The following PSD3 variants were observed in gnomAD, a reference collection of about 807,000 sequenced individuals.
PSD3 encodes the protein PH and SEC7 domain-containing protein 3.
PSD3 carries 49 observed loss-of-function variants against 105.5 expected under a neutral mutation model. The ratio of observed to expected loss-of-function variants is 0.46; its 90% CI spans 0.37 to 0.59. The LOEUF is 0.59. Among genes scored for constraint, PSD3 ranks in the 20% least tolerant of loss-of-function variants. PSD3 has a pLI of 0.00. For synonymous variants in PSD3, 557 were observed against 457.8 expected, an observed-to-expected ratio of 1.22 and a Z score of -2.77; for missense variants, 1,561 against 1,263.8, an observed-to-expected ratio of 1.24 and a Z score of -3.57.
At chr8:18,859,946 T>G (rs1816312865) in intron 4 of PSD3, among the ~76,000 whole-genome samples, 1 of 152,238 alleles carries the variant, frequency 6.6e-6, no homozygotes, top group Non-Finnish European at 1.5e-5. Context: ...TTTCATTGCA[T>G]TCACAACTTG....
intron 8 of PSD3, among the ~76,000 whole-genome samples, chr8:18,768,341 A>G (rs1807207780): frequency 6.6e-6 from 1 of 152,128 alleles, no homozygotes; most frequent in Non-Finnish European, 1.5e-5. Flanking sequence ...ATGGTGGCTC[A>G]TGCCTATAAT....
At chr8:18,742,861 G>C (rs1049229699) in intron 9 of PSD3, among the ~76,000 whole-genome samples, 2 of 152,030 alleles carry the variant, frequency 1.3e-5, no homozygotes, top group South Asian at 4.2e-4. Context: ...CACAACCTAG[G>C]ATTATACACT....
intron 9 of PSD3, among the ~76,000 whole-genome samples, chr8:18,757,413 G>C (rs1030049011): frequency 6.6e-6 from 1 of 151,966 alleles, no homozygotes; most frequent in Non-Finnish European, 1.5e-5. Context: ...GCAGTGAGCA[G>C]AGATCATGCC....
chr8:19,055,090 T>C (rs1274894005), intron 1 of PSD3, among the ~76,000 whole-genome samples: 3 of 152,180 alleles, frequency 2.0e-5, no homozygotes, highest in African/African-American at 7.2e-5. Flanking sequence ...TCTCTTCTCT[T>C]TACTTGAGTT....
intron 10 of PSD3, among the ~76,000 whole-genome samples, chr8:18,634,423 T>C (rs1043377877): frequency 9.2e-5 from 14 of 152,274 alleles, no homozygotes; most frequent in African/African-American, 3.1e-4. Context: ...TAACATCTTA[T>C]ATATTAATAA....
intron 15 of PSD3, among the ~76,000 whole-genome samples, chr8:18,552,515 C>T (rs1027224027): frequency 6.6e-6 from 1 of 152,160 alleles, no homozygotes; most frequent in African/African-American, 2.4e-5. Context: ...TCCAGAACAG[C>T]TCAACCAACT....
intron 9 of PSD3, among the ~76,000 whole-genome samples, chr8:18,671,366 T>A (rs572330873): frequency 2.0e-5 from 3 of 152,182 alleles, no homozygotes; most frequent in African/African-American, 7.2e-5. Context: ...CAATTTTACA[T>A]GAGACACACT....
intron 14 of PSD3, among the ~76,000 whole-genome samples, chr8:18,571,328 C>A (rs938887420): frequency 1.3e-5 from 2 of 151,574 alleles, no homozygotes; most frequent in African/African-American, 2.4e-5. Flanking sequence ...GTGTGTGGTT[C>A]CTGCATCCAG....
chr8:18,672,822 A>T (rs1012890044), intron 9 of PSD3, among the ~76,000 whole-genome samples: 2 of 152,286 alleles, frequency 1.3e-5, no homozygotes, highest in Admixed American at 6.5e-5. Context: ...GAAGAGATGA[A>T]ACCTTTTGCT....
intron 1 of PSD3, among the ~76,000 whole-genome samples, chr8:19,048,401 A>C (rs1828400095): frequency 6.6e-6 from 1 of 152,230 alleles, no homozygotes; most frequent in Non-Finnish European, 1.5e-5. Context: ...GAAATGGTTT[A>C]CAGCCTTGAG....
intron 2 of PSD3, among the ~76,000 whole-genome samples, chr8:18,886,650 A>T (rs1262100837): frequency 2.0e-5 from 3 of 152,190 alleles, no homozygotes; most frequent in Admixed American, 2.0e-4. Flanking sequence ...GATCATAGAA[A>T]ATGCCCAGTT....
intron 1 of PSD3, among the ~76,000 whole-genome samples, chr8:18,943,355 C>T (rs913686717): frequency 1.3e-5 from 2 of 152,162 alleles, no homozygotes; most frequent in Non-Finnish European, 2.9e-5. Flanking sequence ...TAAATATACA[C>T]ATTTGCATTT....
intron 9 of PSD3, among the ~76,000 whole-genome samples, chr8:18,753,622 C>CA (rs1805784073): frequency 6.6e-6 from 1 of 152,116 alleles, no homozygotes; most frequent in Non-Finnish European, 1.5e-5. Flanking sequence ...AAAAATCCAA[C>CA]ATTGACAGGG....
At chr8:18,826,287 G>GTAA (rs2129449901) in intron 4 of PSD3, among the ~76,000 whole-genome samples, 1 of 152,244 alleles carries the variant, frequency 6.6e-6, no homozygotes. Flanking sequence ...CTTGGCCTCC[G>GTAA]TAATCACGTG....
chr8:18,811,270 C>T (rs1811656533), intron 4 of PSD3, among the ~76,000 whole-genome samples: 1 of 152,110 alleles, frequency 6.6e-6, no homozygotes, highest in South Asian at 2.1e-4. Context: ...AGTGAGACTC[C>T]AATGCTTTAC....
intron 1 of PSD3, among the ~76,000 whole-genome samples, chr8:18,982,718 C>T (rs11784199): frequency 0.4 from 60,456 of 152,062 alleles, 13,798 homozygotes; most frequent in Non-Finnish European, 0.52. Flanking sequence ...TTCTAAGCAG[C>T]AGGCCTCAAC....
chr8:18,910,290 T>C (rs891821169), intron 2 of PSD3, among the ~76,000 whole-genome samples: 1 of 143,084 alleles, frequency 7.0e-6, no homozygotes, highest in Non-Finnish European at 1.5e-5. Flanking sequence ...ATATACACCA[T>C]GGAATACTAT....
At chr8:18,771,765 C>G (rs905466652) in intron 8 of PSD3, among the ~76,000 whole-genome samples, 1 of 152,172 alleles carries the variant, frequency 6.6e-6, no homozygotes, top group African/African-American at 2.4e-5. Flanking sequence ...ACCATGTTAA[C>G]AGTTTTAAGC....
chr8:18,982,514 C>T (rs577444650), intron 1 of PSD3, among the ~76,000 whole-genome samples: 1 of 152,264 alleles, frequency 6.6e-6, no homozygotes, highest in East Asian at 1.9e-4. Flanking sequence ...TCTATAGCAG[C>T]TACAGACTTA....
Sources: allele counts gnomAD v4.1 joint callset (sites outside exome capture counted in the v4.1 genomes callset), GRCh38; gene constraint gnomAD v4.1.1; transcripts MANE v1.5; gene names NCBI Gene and HGNC (gene_info 2026-07-23, HGNC 2026-07-21).